Variants in DLGAP1 observed in about 807,000 individuals in gnomAD.
DLGAP1 encodes the protein DLG associated protein 1.
In DLGAP1, 11 loss-of-function variants were observed where a neutral mutation model predicts 90.8. The observed-to-expected ratio is 0.12, with a 90% CI of 0.08 to 0.20. DLGAP1 has a LOEUF of 0.20. DLGAP1 is among the 10% of genes least tolerant of loss of function. DLGAP1 has a pLI of 1.00. For synonymous variants in DLGAP1, 558 were observed against 540.7 expected, an observed-to-expected ratio of 1.03 and a Z score of -0.44; for missense variants, 1,050 against 1,333.8, an observed-to-expected ratio of 0.79 and a Z score of 3.31.
At chr18:4,368,006 C>T (rs1457474948) in intron 1 of DLGAP1, among the ~76,000 whole-genome samples, 2 of 151,972 alleles carry the variant, frequency 1.3e-5, no homozygotes, top group African/African-American at 2.4e-5. Flanking sequence ...TATAAGGAAG[C>T]ATAAACATTA....
At chr18:4,034,614 A>T (rs2074858003) in intron 2 of DLGAP1, among the ~76,000 whole-genome samples, 1 of 152,124 alleles carries the variant, frequency 6.6e-6, no homozygotes, top group Non-Finnish European at 1.5e-5. Flanking sequence ...CCTACTTCCA[A>T]CACCTTTATA....
At chr18:4,442,583 T>A (rs190550098) in intron 1 of DLGAP1, among the ~76,000 whole-genome samples, 2 of 147,106 alleles carry the variant, frequency 1.4e-5, no homozygotes, top group Non-Finnish European at 3.0e-5. Flanking sequence ...ATATACTGAC[T>A]ACTATTAAAA....
In DLGAP1 at chr18:4,342,101, C is replaced by T. The variant is rs917326779; in HGVS notation, c.-267+112905G>A. ...TGAACACTAAATAAATGTTCCTTCCCTTCCCAAATCCATAGAATTTTAAAA... is the reference window on the plus strand; with the variant it reads ...TGAACACTAAATAAATGTTCCTTCCTTTCCCAAATCCATAGAATTTTAAAA... On this transcript the variant is annotated intron_variant, in intron 1 of 12. Coordinates refer to ENST00000315677, the MANE Select transcript of DLGAP1 (RefSeq NM_004746.4). This position sits in a 1 kb window ranked among gnomAD's most constrained non-coding sequence, Gnocchi z 5.8. 6.6e-6 allele frequency among the ~76,000 whole-genome samples: 1 copy of T among 152,198 alleles called. No individual in the cohort carries two copies. The highest frequency in any genetic ancestry group is 3.4e-3 in the Middle Eastern group (1 of 294).
chr18:4,064,170 C>G (rs1477342475), intron 2 of DLGAP1, among the ~76,000 whole-genome samples: 1 of 151,786 alleles, frequency 6.6e-6, no homozygotes. Flanking sequence ...TTTTTTTCCA[C>G]TAATGAATTC....
chr18:4,197,086 T>C (rs1009990365), intron 1 of DLGAP1, among the ~76,000 whole-genome samples: 27 of 149,972 alleles, frequency 1.8e-4, no homozygotes, highest in African/African-American at 6.6e-4. Context: ...GGCAGGAGAA[T>C]TGCTTGAACC....
rs1489344372 is a variant in DLGAP1, at chr18:3,925,281, TG to T, written c.-72-45142del. ...GCATTTTTATCTAATAACAGATTTGTGGGATTTTTTTTTTTTTTTAATTTCA... is the reference window on the plus strand; with the variant it reads ...GCATTTTTATCTAATAACAGATTTGTGGATTTTTTTTTTTTTTTAATTTCA... On this transcript the variant is annotated intron_variant, in intron 3 of 12. Transcript: ENST00000315677. 3.4e-5 allele frequency among the ~76,000 whole-genome samples: 4 copies of T among 117,494 alleles called. No individual in the cohort carries two copies. In the South Asian group the frequency reaches 9.6e-4, roughly 28 times the overall value. 77.1% of individuals were successfully genotyped at this position (117,494 alleles called of 152,430 possible). A position where few individuals can be genotyped will look rare whatever the true frequency, so the allele number is the denominator to read the frequency against.
At position 3,879,544 on chromosome 18, in the gene DLGAP1, C is replaced by T. The variant is rs146914396; in HGVS notation, c.525G>A (p.Ala175=). ...TCTTGCTGCGTTTGCCATAGCGCGC[C>T]GCCTGCGCCTCGTCAGGGCTGGCCT... The part of the protein sequence containing the change: ...GGKASPDEAQ[A]ARYGKRSKSK... The change falls in exon 4 of 13, where the codon GCG becomes GCA. Residue 175 remains alanine (A), a synonymous_variant. Coordinates refer to ENST00000315677, the MANE Select transcript of DLGAP1 (RefSeq NM_004746.4). This position sits in a 1 kb window ranked among gnomAD's most constrained non-coding sequence, Gnocchi z 6.6. The T allele has an allele frequency of 6.5e-5, 104 of 1,599,302 alleles. 1 individual carries two copies. The highest frequency in any genetic ancestry group is 8.1e-5 in the Non-Finnish European group (95 of 1,177,908).
At chr18:3,593,841 G>A (rs566686745) in intron 7 of DLGAP1, 43 of 152,262 alleles carry the variant, frequency 2.8e-4, no homozygotes, top group African/African-American at 9.9e-4. Context: ...CAAGGAGGAA[G>A]AATGGAAAGG....
At chr18:3,593,561 T>C in intron 7 of DLGAP1, among the ~76,000 whole-genome samples, 1 of 151,886 alleles carries the variant, frequency 6.6e-6, no homozygotes, top group Non-Finnish European at 1.5e-5. Flanking sequence ...TTTTCTAAAG[T>C]AGAAAAAAAT....
chr18:3,609,704 G>A (rs2057504571), intron 7 of DLGAP1, among the ~76,000 whole-genome samples: 1 of 151,888 alleles, frequency 6.6e-6, no homozygotes. Flanking sequence ...ATAGGAATTA[G>A]GTGCTCTTCT....
chr18:3,687,694 G>T (rs1167002142), intron 7 of DLGAP1, among the ~76,000 whole-genome samples: 1 of 152,010 alleles, frequency 6.6e-6, no homozygotes, highest in Non-Finnish European at 1.5e-5. Flanking sequence ...ACAATAACTT[G>T]CAAAAGTGTA....
chr18:4,151,876 AGATGATGGGTT>A (rs1440702386), intron 1 of DLGAP1, among the ~76,000 whole-genome samples: 2 of 152,222 alleles, frequency 1.3e-5, no homozygotes, highest in African/African-American at 4.8e-5. Context: ...CTTAAAACCT[AGATGATGGGTT>A]GATGGGTGCA....
At chr18:4,329,229 T>C (rs1436025850) in intron 1 of DLGAP1, among the ~76,000 whole-genome samples, 1 of 152,030 alleles carries the variant, frequency 6.6e-6, no homozygotes, top group Non-Finnish European at 1.5e-5. Context: ...TCCACAAGGA[T>C]TTCCAATTGT....
At chr18:4,393,070 G>A (rs760632686) in intron 1 of DLGAP1, among the ~76,000 whole-genome samples, 1 of 152,142 alleles carries the variant, frequency 6.6e-6, no homozygotes, top group East Asian at 1.9e-4. Flanking sequence ...CAGCCCTCAC[G>A]TGGTTGTCAA....
intron 7 of DLGAP1, among the ~76,000 whole-genome samples, chr18:3,583,168 A>ACCTT (rs1223358564): frequency 8.3e-4 from 105 of 127,078 alleles, no homozygotes; most frequent in African/African-American, 3.1e-3. Context: ...CTACCTACCT[A>ACCTT]CCTACCTACC....
At chr18:3,535,065 A>G (rs1415612521) in intron 9 of DLGAP1, among the ~76,000 whole-genome samples, 2 of 136,900 alleles carry the variant, frequency 1.5e-5, no homozygotes, top group African/African-American at 2.8e-5. Context: ...CATCTTCTCA[A>G]TCTTCTCTGT....
chr18:4,089,369 C>A (rs1166849607), intron 2 of DLGAP1, among the ~76,000 whole-genome samples: 1 of 152,086 alleles, frequency 6.6e-6, no homozygotes, highest in African/African-American at 2.4e-5. Flanking sequence ...TGAAAATGGC[C>A]ATACTGCCCA....
chr18:3,691,586 A>C (rs1390984788), intron 7 of DLGAP1, among the ~76,000 whole-genome samples: 1 of 152,108 alleles, frequency 6.6e-6, no homozygotes, highest in African/African-American at 2.4e-5. Context: ...AAACAAAAGA[A>C]GTCCTTTATA....
rs1212913784 is a variant in DLGAP1 at position 4,034,037 on chromosome 18, C to CTTT, written c.-158-28839_-158-28837dup. The stretch of plus-strand genomic sequence containing the variant: ...GGGGCATGAGCCACCGCGCCCGGCC[C>CTTT]TTTTTTTTTTTTTTTTTTTCTGAGA... On this transcript the variant is annotated intron_variant, in intron 2 of 12. Transcript: ENST00000315677. Among the ~76,000 whole-genome samples, 99 of 111,198 alleles carry CTTT rather than the reference C, an allele frequency of 8.9e-4. 3 individuals carry two copies. The highest frequency in any genetic ancestry group is 2.2e-3 in the Admixed American group (21 of 9,530). 73.0% of individuals were successfully genotyped at this position (111,198 alleles called of 152,430 possible).
Sources: allele counts gnomAD v4.1 joint callset (sites outside exome capture counted in the v4.1 genomes callset), GRCh38; gene constraint gnomAD v4.1.1; non-coding constraint Gnocchi (gnomAD v3.1); transcripts MANE v1.5; gene names NCBI Gene and HGNC (gene_info 2026-07-23, HGNC 2026-07-21).